Variants in FAM47E observed in about 807,000 individuals in gnomAD.
FAM47E encodes family with sequence similarity 47 member E.
In FAM47E, 32 loss-of-function variants were observed where a neutral mutation model predicts 41.6. The observed-to-expected ratio is 0.77, with a 90% CI of 0.58 to 1.03. The LOEUF is 1.03. FAM47E is among the 50% of genes least tolerant of loss of function. The pLI is 0.00. For missense variants in FAM47E, 424 were observed against 485.4 expected (o/e 0.87, Z 1.19); for synonymous variants, 184 against 188.7 (o/e 0.98, Z 0.20).
intron 2 of FAM47E, among the ~76,000 whole-genome samples, chr4:76,222,870 T>G (rs1733333190): frequency 6.6e-6 from 1 of 152,120 alleles, no homozygotes; most frequent in Non-Finnish European, 1.5e-5. Context: ...AGCGCCTAGT[T>G]TAAGTCTTGG....
At chr4:76,219,685 G>T (rs1354005498) in intron 2 of FAM47E, among the ~76,000 whole-genome samples, 2 of 152,102 alleles carry the variant, frequency 1.3e-5, no homozygotes, top group African/African-American at 4.8e-5. Context: ...TCAGCCTGGA[G>T]TGGTGGGGAG....
intron 2 of FAM47E, among the ~76,000 whole-genome samples, chr4:76,225,551 G>C (rs567923171): frequency 4.1e-4 from 62 of 152,208 alleles, no homozygotes; most frequent in African/African-American, 1.5e-3. Flanking sequence ...ATTACCTTAA[G>C]GTATGCCCCT....
At chr4:76,224,772 GT>G (rs1365338174) in intron 2 of FAM47E, among the ~76,000 whole-genome samples, 1 of 151,968 alleles carries the variant, frequency 6.6e-6, no homozygotes, top group Non-Finnish European at 1.5e-5. Flanking sequence ...AATTTCAGAA[GT>G]TTTTGGGGAA....
At position 76,256,195 on chromosome 4, in the gene FAM47E, A is replaced by G; in HGVS notation, c.92A>G (p.Lys31Arg). The G allele has an allele frequency of 2.6e-6, 4 of 1,551,514 alleles. No homozygotes were observed. Among genetic ancestry groups the G allele is most frequent in the Non-Finnish European group, 3.5e-6 (4 of 1,146,874 alleles). ...CCTTCCAGATGTTTCACAAAGCACA[A>G]GAACGGGCTGAAGTTCCCCACCTCT... is the stretch of plus-strand genomic sequence containing the variant. Reference protein sequence around the residue: ...NCRSRCFTKHKNGLKFPTSLH... With the variant: ...NCRSRCFTKHRNGLKFPTSLH... The change falls in exon 2 of 8, where the codon AAG (lysine) becomes AGG (arginine). Residue 31 changes from lysine to arginine, a missense_variant. Transcript: ENST00000424749.
At chr4:76,237,475 C>T (rs937066753) in intron 2 of FAM47E, among the ~76,000 whole-genome samples, 7 of 150,284 alleles carry the variant, frequency 4.7e-5, no homozygotes, top group Non-Finnish European at 8.8e-5. Flanking sequence ...CTTTTGATGT[C>T]TGTCTGTCCC....
intron 2 of FAM47E, among the ~76,000 whole-genome samples, chr4:76,240,251 A>T (rs1733679337): frequency 6.6e-6 from 1 of 152,164 alleles, no homozygotes; most frequent in African/African-American, 2.4e-5. Context: ...GAAGTTTCTG[A>T]TGAGAAATCT....
chr4:76,256,121 T>C, intron 1 of FAM47E, 57 bp from the exon 2 acceptor site: 1 of 1,499,454 alleles, frequency 6.7e-7, no homozygotes, highest in Non-Finnish European at 9.0e-7. Context: ...AGTCCTGTGG[T>C]TAATATGAAC....
intron 2 of FAM47E, among the ~76,000 whole-genome samples, chr4:76,240,146 C>T (rs1596118): frequency 0.052 from 7,942 of 152,194 alleles, 242 homozygotes; most frequent in Middle Eastern, 0.085. Flanking sequence ...GTGAATCCTC[C>T]AGCTTTTGAA....
At chr4:76,278,938 TCTC>T (rs1226058613) in intron 6 of FAM47E, 1 of 152,108 alleles carries the variant, frequency 6.6e-6, no homozygotes, top group African/African-American at 2.4e-5. Context: ...ACCCCAAACT[TCTC>T]CTAGATAACA....
chr4:76,270,276 G>A (rs1363451146), intron 4 of FAM47E, among the ~76,000 whole-genome samples: 2 of 152,180 alleles, frequency 1.3e-5, no homozygotes, highest in Non-Finnish European at 2.9e-5. Flanking sequence ...TAAGTGTGAA[G>A]ACAGCAAAGC....
At chr4:76,273,650 G>A (rs12503821) in intron 5 of FAM47E, among the ~76,000 whole-genome samples, 13,731 of 151,928 alleles carry the variant, frequency 0.09, 1,071 homozygotes, top group East Asian at 0.42. Context: ...TTTTGGATTT[G>A]TGGGCTTATA....
chr4:76,243,977 G>A (rs568467623), intron 2 of FAM47E, among the ~76,000 whole-genome samples: 1 of 152,278 alleles, frequency 6.6e-6, no homozygotes, highest in Admixed American at 6.5e-5. Context: ...CCACTTATGA[G>A]TGAGAATATG....
chr4:76,251,759 A>AGGCGGCGGCTCCGGCCGGG lies in FAM47E; in HGVS notation c.15_33dup (p.Thr12AlafsTer145), dbSNP rs1733971007. The AGGCGGCGGCTCCGGCCGGG allele has an allele frequency of 1.2e-5, 18 of 1,485,416 alleles. No individual in the cohort carries two copies. The highest frequency in any genetic ancestry group is 1.6e-5 in the Non-Finnish European group (18 of 1,123,674). 92.0% of individuals were successfully genotyped at this position (1,485,416 alleles called of 1,614,324 possible). ...AGCTAGGGCCACCATGGCGGACCGC[A>AGGCGGCGGCTCCGGCCGGG]GGCGGCGGCTCCGGCCGGGGACGTT... On this transcript the variant is annotated frameshift_variant, in exon 1 of 8. Coordinates refer to ENST00000424749, the MANE Select transcript of FAM47E (RefSeq NM_001136570.3). LOFTEE classifies it high-confidence loss of function.
At chr4:76,229,766 A>C (rs1390996391) in intron 2 of FAM47E, among the ~76,000 whole-genome samples, 1 of 152,154 alleles carries the variant, frequency 6.6e-6, no homozygotes, top group Non-Finnish European at 1.5e-5. Flanking sequence ...ACTCTGTGAG[A>C]GTCCTTGGTT....
intron 2 of FAM47E, among the ~76,000 whole-genome samples, chr4:76,228,715 CCTG>C (rs148698211): frequency 0.059 from 8,926 of 152,172 alleles, 283 homozygotes; most frequent in Middle Eastern, 0.088. Context: ...TGTTGAGAAA[CCTG>C]CTATTAATCT....
chr4:76,235,542 A>C (rs1190864768), intron 2 of FAM47E, among the ~76,000 whole-genome samples: 1 of 152,136 alleles, frequency 6.6e-6, no homozygotes, highest in East Asian at 1.9e-4. Flanking sequence ...ATTTGAAAAA[A>C]AACCTGGAAA....
rs372040940 is a variant in FAM47E, at chr4:76,256,318, A to T, written c.215A>T (p.Glu72Val). The change falls in exon 2 of 8, where the codon GAG becomes GTG. Residue 72 changes from glutamate (E) to valine (V), a missense_variant. By Grantham distance (121) the Glu-to-Val change is moderately radical (BLOSUM62 -2). Transcript: ENST00000424749. ...CTGLVTQVPV[E>V]GFLPQIYHRA... ...GGTCTGGTGACTCAGGTCCCTGTGGAGGGCTTTCTGCCCCAGATTTATCAC... is the reference window on the plus strand; with the variant it reads ...GGTCTGGTGACTCAGGTCCCTGTGGTGGGCTTTCTGCCCCAGATTTATCAC... The T allele has an allele frequency of 8.4e-6, 13 of 1,551,564 alleles. No homozygotes were observed. The African/African-American group carries it at 1.2e-4, about 15-fold the overall frequency.
At position 76,237,384 on chromosome 4, in the gene FAM47E, T is replaced by G. The variant is rs539885713; in HGVS notation, c.81+19696T>G. 5.9e-5 allele frequency among the ~76,000 whole-genome samples: 9 copies of G among 151,588 alleles called. No homozygotes were observed. The South Asian group carries it at 1.0e-3, about 18-fold the overall frequency. On this transcript the variant is annotated intron_variant, in intron 2 of 7. Coordinates refer to the FAM47E transcript ENST00000510197. ...TTTTTTGTTTGTTTGTTTGTTTTTT[T>G]TTTGGTTTACAAGGTAAAAGTTGGC... is the stretch of plus-strand genomic sequence containing the variant.
At chr4:76,281,310 G>A (rs1387587356) in intron 7 of FAM47E, 1 of 152,122 alleles carries the variant, frequency 6.6e-6, no homozygotes, top group East Asian at 1.9e-4. Flanking sequence ...GTTAAATCAG[G>A]CAAGTCTAGA....
Sources: gnomAD v4.1 joint callset for allele counts (sites outside exome capture counted in the v4.1 genomes callset) on GRCh38, gnomAD v4.1.1 for gene constraint, MANE v1.5 for transcripts, NCBI Gene and HGNC (gene_info 2026-07-23, HGNC 2026-07-21) for gene names.